The following FOXI3 variants were observed in gnomAD, a reference collection of about 807,000 sequenced individuals.
The protein encoded by FOXI3 is forkhead box I3.
FOXI3 carries 4 observed loss-of-function variants against 15.6 expected under a neutral mutation model. That is an observed-to-expected ratio of 0.26 (90% confidence interval 0.13 to 0.59). The LOEUF is 0.59. FOXI3 is among the 20% of genes least tolerant of loss of function. The pLI, the probability that FOXI3 is intolerant of heterozygous loss-of-function variation, is 0.90. For synonymous variants in FOXI3, 238 were observed against 244.4 expected, an observed-to-expected ratio of 0.97 and a Z score of 0.25; for missense variants, 489 against 548.2, an observed-to-expected ratio of 0.89 and a Z score of 1.08.
At chr2:88,449,108 A>G (rs568820640) in intron 1 of FOXI3, among the ~76,000 whole-genome samples, 35 of 152,210 alleles carry the variant, frequency 2.3e-4, no homozygotes, top group Admixed American at 4.6e-4. Context: ...TAATTAAATC[A>G]TGTAACACCT....
chr2:88,451,784 C>T, intron 1 of FOXI3, 112 bp downstream of exon 1: 3 of 1,481,900 alleles, frequency 2.0e-6, no homozygotes, highest in South Asian at 1.2e-5. Context: ...CACCCGCAGC[C>T]TGGACAAGAA....
intron 1 of FOXI3, 142 bp from the exon 2 acceptor site, chr2:88,448,971 TC>T (rs1675996912): frequency 9.3e-7 from 1 of 1,077,840 alleles, no homozygotes; most frequent in African/African-American, 1.6e-5. Context: ...CAATCCTCTT[TC>T]GGGGAAAATG....
Position 88,447,209 on chromosome 2 carries a change from C to G in FOXI3, c.*998G>C, listed in dbSNP as rs917017522. 1 of 152,182 alleles carries G rather than the reference C, an allele frequency of 6.6e-6. No homozygotes were observed. Among genetic ancestry groups the G allele is most frequent in the African/African-American group, 2.4e-5 (1 of 41,436 alleles). 9.4% of individuals were successfully genotyped at this position (152,182 alleles called of 1,614,324 possible). On this transcript the variant is annotated 3_prime_UTR_variant, in exon 2 of 2. Coordinates refer to ENST00000428390, the MANE Select transcript of FOXI3 (RefSeq NM_001135649.3). The stretch of plus-strand genomic sequence containing the variant: ...AGTGCCGAGAACAGTGCCTGGCACA[C>G]AAGGCTGCTTGTGCCATTTTATTGC...
intron 1 of FOXI3, 34 bp downstream of exon 1, chr2:88,451,862 C>G: frequency 2.5e-6 from 4 of 1,599,732 alleles, no homozygotes; most frequent in Non-Finnish European, 3.4e-6. Context: ...CGTCCGCCCT[C>G]CCCGGCTGGG....
At position 88,448,039 on chromosome 2, in the gene FOXI3, A is replaced by T; in HGVS notation, c.*168T>A. On this transcript the variant is annotated 3_prime_UTR_variant, in exon 2 of 2. Transcript: ENST00000428390. ...CGCTGGGTTGTAGCAAGAGTTATCT[A>T]CTACACCCTCATTACTCCAAGTGTG... 1.6e-6 allele frequency: 1 copy of T among 636,522 alleles called. No individual in the cohort carries two copies. Among genetic ancestry groups the T allele is most frequent in the Non-Finnish European group, 2.7e-6 (1 of 370,338 alleles). The allele number at this position is 636,522 out of a possible 1,614,324, so 39.4% of individuals were successfully genotyped here. A position where few individuals can be genotyped will look rare whatever the true frequency, so the allele number is the denominator to read the frequency against.
rs1356671970 is a variant in FOXI3 at position 88,452,139 on chromosome 2, A to G, written c.397T>C (p.Ser133Pro). The G allele has an allele frequency of 6.5e-7, 1 of 1,543,218 alleles. No individual in the cohort carries two copies. Among genetic ancestry groups the G allele is most frequent in the Admixed American group, 2.0e-5 (1 of 50,376 alleles). ...PAGPGELGWL[S>P]MASREDLMKM... ...ATCAGGTCCTCGCGGCTGGCCATGG[A>G]CAGCCAGCCCAGCTCCCCGGGCCCC... Residue 133 changes from serine (S) to proline (P), a missense_variant, in exon 1 of 2, where the codon TCC becomes CCC. This residue lies in a region of FOXI3 where 224 missense variants were observed against 245.7 expected (regional missense o/e 0.91). Transcript: ENST00000428390.
Position 88,447,951 on chromosome 2 carries a change from C to G in FOXI3, c.*256G>C. 1 of 538,246 alleles carries G rather than the reference C, an allele frequency of 1.9e-6. No individual in the cohort carries two copies. Among genetic ancestry groups the G allele is most frequent in the Admixed American group, 3.1e-5 (1 of 32,238 alleles). The allele number at this position is 538,246 out of a possible 1,614,324, so 33.3% of individuals were successfully genotyped here. On this transcript the variant is annotated 3_prime_UTR_variant, in exon 2 of 2. Transcript: ENST00000428390. Reference sequence around the variant, plus strand: ...CACGGGGCTCACAGGCTACCTATCACAGAAGACAGTGAAACGGATTTCTCT... The same window carrying G: ...CACGGGGCTCACAGGCTACCTATCAGAGAAGACAGTGAAACGGATTTCTCT...
In FOXI3 at chr2:88,452,653, G is replaced by A; in HGVS notation, c.-118C>T. On this transcript the variant is annotated 5_prime_UTR_variant, in exon 1 of 2. Transcript: ENST00000428390. ...ACCCTGCGGCTCCGCCTTCACCCGC[G>A]CTGGGCGCCCGGTGCTCCGGGCCGG... The A allele has an allele frequency of 1.7e-6, 1 of 580,406 alleles. No homozygotes were observed. Among genetic ancestry groups the A allele is most frequent in the Non-Finnish European group, 2.2e-6 (1 of 447,832 alleles). The allele number at this position is 580,406 out of a possible 1,614,324, so 36.0% of individuals were successfully genotyped here.
In FOXI3 at chr2:88,448,029, A is replaced by G; in HGVS notation, c.*178T>C. On this transcript the variant is annotated 3_prime_UTR_variant, in exon 2 of 2. Coordinates refer to ENST00000428390, the MANE Select transcript of FOXI3 (RefSeq NM_001135649.3). The stretch of plus-strand genomic sequence containing the variant: ...TGTAAAAGCTCGCTGGGTTGTAGCA[A>G]GAGTTATCTACTACACCCTCATTAC... The G allele has an allele frequency of 3.3e-6, 2 of 613,396 alleles. No individual in the cohort carries two copies. Among genetic ancestry groups the G allele is most frequent in the Non-Finnish European group, 5.7e-6 (2 of 353,090 alleles). 38.0% of individuals were successfully genotyped at this position (613,396 alleles called of 1,614,324 possible). A position where few individuals can be genotyped will look rare whatever the true frequency, so the allele number is the denominator to read the frequency against.
At position 88,447,728 on chromosome 2, in the gene FOXI3, G is replaced by C. The variant is rs1387500979; in HGVS notation, c.*479C>G. The stretch of plus-strand genomic sequence containing the variant: ...AAAAAACAAAATCAGAATGCTGCCA[G>C]AGGAGAGAAAGAACCAGCTGTTCCC... On this transcript the variant is annotated 3_prime_UTR_variant, in exon 2 of 2. Coordinates refer to ENST00000428390, the MANE Select transcript of FOXI3 (RefSeq NM_001135649.3). 2 of 164,980 alleles carry C rather than the reference G, an allele frequency of 1.2e-5. No homozygotes were observed. The highest frequency in any genetic ancestry group is 1.1e-4 in the Admixed American group (2 of 18,200). 10.2% of individuals were successfully genotyped at this position (164,980 alleles called of 1,614,324 possible). A position where few individuals can be genotyped will look rare whatever the true frequency, so the allele number is the denominator to read the frequency against.
In FOXI3 at chr2:88,447,158, TGA is replaced by T. The variant is rs1309383296; in HGVS notation, c.*1047_*1048del. The T allele has an allele frequency of 6.6e-6, 1 of 152,238 alleles. No individual in the cohort carries two copies. Among genetic ancestry groups the T allele is most frequent in the Non-Finnish European group, 1.5e-5 (1 of 68,054 alleles). 9.4% of individuals were successfully genotyped at this position (152,238 alleles called of 1,614,324 possible). A position where few individuals can be genotyped will look rare whatever the true frequency, so the allele number is the denominator to read the frequency against. On this transcript the variant is annotated 3_prime_UTR_variant, in exon 2 of 2. Transcript: ENST00000428390. ...AACAATACCCACCACCCAAGGTTTC[TGA>T]GAGGATTAAATGAATACATGACAAG...
At chr2:88,451,824 C>T in intron 1 of FOXI3, 72 bp downstream of exon 1, 6 of 1,550,472 alleles carry the variant, frequency 3.9e-6, no homozygotes, top group Admixed American at 2.0e-5. Context: ...AGCCGCACAC[C>T]GACCCCTGCG....
intron 1 of FOXI3, among the ~76,000 whole-genome samples, chr2:88,450,092 C>T (rs1676015392): frequency 6.6e-6 from 1 of 152,162 alleles, no homozygotes; most frequent in East Asian, 1.9e-4. Context: ...CTCAGCCTCC[C>T]AGAGTAGCTG....
At chr2:88,450,906 T>G (rs1279818253) in intron 1 of FOXI3, among the ~76,000 whole-genome samples, 7 of 152,254 alleles carry the variant, frequency 4.6e-5, no homozygotes, top group Non-Finnish European at 1.0e-4. Context: ...TATTTTGGAT[T>G]ATTTAGTTTG....
At position 88,452,555 on chromosome 2, in the gene FOXI3, TGCGGCGCGGCC is replaced by T; in HGVS notation, c.-31_-21del. The T allele has an allele frequency of 9.3e-7, 1 of 1,077,486 alleles. No homozygotes were observed. 66.7% of individuals were successfully genotyped at this position (1,077,486 alleles called of 1,614,324 possible). On this transcript the variant is annotated 5_prime_UTR_variant, in exon 1 of 2. Transcript: ENST00000428390. ...GGCCATGTCGGCGGCCGTGGGCGGC[TGCGGCGCGGCC>T]GCGGCGAGGGGCGAGCGGGGCTGGT...
At chr2:88,449,661 C>T (rs1215262072) in intron 1 of FOXI3, among the ~76,000 whole-genome samples, 1 of 152,188 alleles carries the variant, frequency 6.6e-6, no homozygotes, top group African/African-American at 2.4e-5. Context: ...CTATTTGCCA[C>T]AAGTGAGGTA....
chr2:88,451,133 CTCT>C (rs1438236837), intron 1 of FOXI3, among the ~76,000 whole-genome samples: 1 of 152,168 alleles, frequency 6.6e-6, no homozygotes, highest in Admixed American at 6.5e-5. Flanking sequence ...CTCTGTTTCT[CTCT>C]TCTTGTTAAT....
chr2:88,451,908 C>T lies in FOXI3; in HGVS notation c.628G>A (p.Glu210Lys). Residue 210 changes from glutamate to lysine, a missense_variant, in exon 1 of 2, where the codon GAG (glutamate) becomes AAG (lysine). Glu to Lys is a moderately conservative substitution (Grantham distance 56). This residue lies in a region of FOXI3 where 263 missense variants were observed against 285.5 expected (regional missense o/e 0.92). Coordinates refer to ENST00000428390, the MANE Select transcript of FOXI3 (RefSeq NM_001135649.3). The stretch of plus-strand genomic sequence containing the variant: ...CAGCGGCCCTCACCTGGGTCGTCCT[C>T]GTCGCGGGGCACCTTCTTGAAGCAG... ...NDCFKKVPRD[E>K]DDPGKGNYWT... 6.2e-7 allele frequency: 1 copy of T among 1,613,442 alleles called. No individual in the cohort carries two copies.
At chr2:88,450,051 T>C (rs1405734962) in intron 1 of FOXI3, among the ~76,000 whole-genome samples, 1 of 152,150 alleles carries the variant, frequency 6.6e-6, no homozygotes, top group Non-Finnish European at 1.5e-5. Context: ...CACTGCAGCC[T>C]TGACCTCCTG....
Sources: gnomAD v4.1 joint callset for allele counts (sites outside exome capture counted in the v4.1 genomes callset) on GRCh38, gnomAD v4.1.1 for gene constraint, gnomAD v4.1.1 regional missense constraint, MANE v1.5 for transcripts, NCBI Gene and HGNC (gene_info 2026-07-23, HGNC 2026-07-21) for gene names.